The following XPO7 variants were observed in gnomAD, a reference collection of about 807,000 sequenced individuals.
The protein encoded by XPO7 is exportin-7.
XPO7 carries 21 observed loss-of-function variants against 144.3 expected under a neutral mutation model. The observed-to-expected ratio is 0.15, with a 90% CI of 0.10 to 0.21. XPO7 has a LOEUF of 0.21. XPO7 is among the 10% of genes least tolerant of loss of function. The pLI is 1.00. For missense variants in XPO7, 808 were observed against 1,325.8 expected (o/e 0.61, Z 6.06); for synonymous variants, 580 against 499.6 (o/e 1.16, Z -2.15).
At chr8:21,940,525 G>A (rs148667952) in intron 1 of XPO7, among the ~76,000 whole-genome samples, 453 of 151,310 alleles carry the variant, frequency 3.0e-3, no homozygotes, top group African/African-American at 9.6e-3. Context: ...GCTGGAGTGC[G>A]GTGGTGTGAT....
At chr8:21,971,479 G>C (rs998939992) in intron 4 of XPO7, among the ~76,000 whole-genome samples, 1 of 152,082 alleles carries the variant, frequency 6.6e-6, no homozygotes, top group Non-Finnish European at 1.5e-5. Context: ...GTTTTTCTGT[G>C]AACTTCTATT....
rs759343124 is a variant in XPO7, at chr8:21,982,759, G to A, written c.1224G>A (p.Glu408=). The stretch of plus-strand genomic sequence containing the variant: ...ACATGCTGGAAACTTACACTCCTGA[G>A]GTCACCAAAGCCTACATCACATCCC... The part of the protein sequence containing the change: ...EPHMLETYTP[E]VTKAYITSRL... Residue 408 remains glutamate (E), a synonymous_variant, in exon 11 of 28, where the codon GAG becomes GAA. Coordinates refer to ENST00000252512, the MANE Select transcript of XPO7 (RefSeq NM_015024.5). 4 of 1,613,824 alleles carry A rather than the reference G, an allele frequency of 2.5e-6. No homozygotes were observed. The highest frequency in any genetic ancestry group is 3.4e-6 in the Non-Finnish European group (4 of 1,179,860).
chr8:21,922,763 A>G (rs1810330654), intron 1 of XPO7, among the ~76,000 whole-genome samples: 2 of 152,190 alleles, frequency 1.3e-5, no homozygotes, highest in South Asian at 4.1e-4. Context: ...GTTTTACCAT[A>G]AATAATGGAA....
intron 1 of XPO7, among the ~76,000 whole-genome samples, chr8:21,938,542 A>T (rs1324057527): frequency 2.6e-5 from 4 of 152,214 alleles, no homozygotes; most frequent in African/African-American, 9.6e-5. Flanking sequence ...AAACTCACTG[A>T]TAATGTAATT....
At chr8:21,979,680 T>TA (rs1343540657) in intron 8 of XPO7, among the ~76,000 whole-genome samples, 2 of 152,242 alleles carry the variant, frequency 1.3e-5, no homozygotes, top group Middle Eastern at 6.3e-3. Context: ...GTGCTGGGAT[T>TA]ACAGGCGTGA....
At chr8:21,981,701 CATTTT>C in intron 9 of XPO7, 25 bp from the exon 10 acceptor site, 1 of 1,611,558 alleles carries the variant, frequency 6.2e-7, no homozygotes. Flanking sequence ...GCACATTTTA[CATTTT>C]ATTTTTCTCC....
chr8:21,940,287 T>C (rs1443669653), intron 1 of XPO7, among the ~76,000 whole-genome samples: 2 of 152,224 alleles, frequency 1.3e-5, no homozygotes, highest in Non-Finnish European at 2.9e-5. Flanking sequence ...CTTTGTGAGC[T>C]AAACCAATAG....
intron 1 of XPO7, among the ~76,000 whole-genome samples, chr8:21,929,152 A>C (rs1158567374): frequency 2.6e-5 from 4 of 152,260 alleles, no homozygotes; most frequent in Non-Finnish European, 5.9e-5. Flanking sequence ...AATAGCTACC[A>C]TATTGCATAG....
chr8:21,943,602 C>A (rs1811065046), intron 1 of XPO7, among the ~76,000 whole-genome samples: 1 of 152,128 alleles, frequency 6.6e-6, no homozygotes, highest in South Asian at 2.1e-4. Flanking sequence ...TCCTTATTTC[C>A]TTCCCTTGAG....
chr8:21,976,307 G>A (rs1455037516), intron 6 of XPO7, 49 bp from the exon 7 acceptor site: 2 of 1,589,880 alleles, frequency 1.3e-6, no homozygotes, highest in Admixed American at 1.7e-5. Flanking sequence ...GGAGCAAGCT[G>A]GGAAGAGAGG....
chr8:21,998,963 A>AC lies in XPO7; in HGVS notation c.2428+127dup. 4 of 1,422,072 alleles carry AC rather than the reference A, an allele frequency of 2.8e-6. No individual in the cohort carries two copies. In the South Asian group the frequency reaches 4.8e-5, roughly 17 times the overall value. The allele number at this position is 1,422,072 out of a possible 1,614,324, so 88.1% of individuals were successfully genotyped here. A position where few individuals can be genotyped will look rare whatever the true frequency, so the allele number is the denominator to read the frequency against. Reference sequence around the variant, plus strand: ...GACAGCATTCGTATTGTATGCTAATACATGTGCATTAGAGTGCCACCTGTC... The same window carrying AC: ...GACAGCATTCGTATTGTATGCTAATACCATGTGCATTAGAGTGCCACCTGTC... On this transcript the variant is annotated intron_variant, in intron 22 of 27. Transcript: ENST00000252512.
chr8:22,002,104 T>G lies in XPO7; in HGVS notation c.2783-8T>G. The stretch of plus-strand genomic sequence containing the variant: ...GCTCTGTCCTACCCCTGCCTTTCTT[T>G]CTTGCAGACACCATGGTATGCACAG... On this transcript the variant is annotated splice_polypyrimidine_tract_variant and splice_region_variant and intron_variant, in intron 24 of 27. Transcript: ENST00000252512. 1.2e-6 allele frequency: 2 copies of G among 1,605,110 alleles called. No homozygotes were observed. Among genetic ancestry groups the G allele is most frequent in the Non-Finnish European group, 1.7e-6 (2 of 1,175,650 alleles).
intron 25 of XPO7, 98 bp from the exon 26 acceptor site, chr8:22,003,121 G>A (rs2117411363): frequency 2.6e-6 from 2 of 779,362 alleles, no homozygotes; most frequent in Non-Finnish European, 4.0e-6. Flanking sequence ...TACAGAAAAG[G>A]CCTTCAGCCT....
At position 22,005,364 on chromosome 8, in the gene XPO7, C is replaced by A; in HGVS notation, c.*276C>A. 1 of 290,414 alleles carries A rather than the reference C, an allele frequency of 3.4e-6. No homozygotes were observed. 18.0% of individuals were successfully genotyped at this position (290,414 alleles called of 1,614,324 possible). ...AGACTCCAGCCTCTCCTCCTGGGGC[C>A]ACCCAAGTGGGGAGAACCCCTAGTG... is the stretch of plus-strand genomic sequence containing the variant. On this transcript the variant is annotated 3_prime_UTR_variant, in exon 28 of 28. Transcript: ENST00000252512.
At position 21,969,471 on chromosome 8, in the gene XPO7, C is replaced by T; in HGVS notation, c.166-12C>T. ...ATACAATTTTAAGTCCTTTTTCCCTCTCTTTTCACAGTCCTCTTACTCCCA... is the reference window on the plus strand; with the variant it reads ...ATACAATTTTAAGTCCTTTTTCCCTTTCTTTTCACAGTCCTCTTACTCCCA... On this transcript the variant is annotated splice_polypyrimidine_tract_variant and intron_variant, in intron 2 of 27. Coordinates refer to ENST00000252512, the MANE Select transcript of XPO7 (RefSeq NM_015024.5). 6.2e-7 allele frequency: 1 copy of T among 1,609,870 alleles called. No individual in the cohort carries two copies. Among genetic ancestry groups the T allele is most frequent in the Admixed American group, 1.7e-5 (1 of 59,582 alleles).
chr8:21,994,308 T>C, intron 19 of XPO7, 55 bp from the exon 20 acceptor site: 2 of 1,341,498 alleles, frequency 1.5e-6, no homozygotes, highest in South Asian at 2.4e-5. Flanking sequence ...CCTCATCAGA[T>C]TGTTACAGTT....
At chr8:21,972,392 G>A (rs1446990340) in intron 5 of XPO7, among the ~76,000 whole-genome samples, 2 of 152,058 alleles carry the variant, frequency 1.3e-5, no homozygotes, top group Non-Finnish European at 2.9e-5. Context: ...CAGGAGAATC[G>A]CTTGAACCCG....
chr8:21,937,229 G>A (rs1223972376), intron 1 of XPO7, among the ~76,000 whole-genome samples: 1 of 152,090 alleles, frequency 6.6e-6, no homozygotes, highest in Non-Finnish European at 1.5e-5. Context: ...CATATTAGTC[G>A]AATAAATGAA....
chr8:22,004,511 A>C lies in XPO7; in HGVS notation c.3170+481A>C, dbSNP rs145113024. Among the ~76,000 whole-genome samples the C allele has an allele frequency of 5.3e-3, 807 of 152,312 alleles. 6 individuals are homozygous for C. Among genetic ancestry groups the C allele is most frequent in the African/African-American group, 0.018 (759 of 41,576 alleles). On this transcript the variant is annotated intron_variant, in intron 27 of 27. Transcript: ENST00000252512. ...TTTTAAATTTTATTTAATTTTAATT[A>C]ATTTAAAACAAGGCATTTTAATTTA...
Sources: gnomAD v4.1 joint callset for allele counts (sites outside exome capture counted in the v4.1 genomes callset) on GRCh38, gnomAD v4.1.1 for gene constraint, MANE v1.5 for transcripts, NCBI Gene and HGNC (gene_info 2026-07-23, HGNC 2026-07-21) for gene names.